CUX1: variants seen among roughly 807,000 people sequenced by gnomAD.
CUX1 encodes protein CASP.
In CUX1, 31 loss-of-function variants were observed where a neutral mutation model predicts 158.8. That is an observed-to-expected ratio of 0.20 (90% CI 0.15 to 0.26). CUX1 has a LOEUF of 0.26. CUX1 is among the 10% of genes least tolerant of loss of function. The pLI is 1.00. For missense variants in CUX1, 1,589 were observed against 2,014.6 expected (o/e 0.79, Z 4.04); for synonymous variants, 879 against 862.1 (o/e 1.02, Z -0.34).
chr7:102,218,194 T>C (rs1413367224), intron 20 of CUX1, among the ~76,000 whole-genome samples: 1 of 152,190 alleles, frequency 6.6e-6, no homozygotes, highest in Non-Finnish European at 1.5e-5. Context: ...GCTTAGTGAC[T>C]TCGGCCTCCC....
At chr7:101,846,000 TC>T (rs536349692) in intron 1 of CUX1, among the ~76,000 whole-genome samples, 7 of 149,420 alleles carry the variant, frequency 4.7e-5, no homozygotes, top group Admixed American at 4.7e-4. Context: ...AAAGGGAGAC[TC>T]CATCTAAAAA....
intron 4 of CUX1, among the ~76,000 whole-genome samples, chr7:102,083,496 A>C (rs1827662602): frequency 6.8e-6 from 1 of 146,684 alleles, no homozygotes; most frequent in African/African-American, 2.4e-5. Flanking sequence ...TCTAGACATG[A>C]GGTCTAGCTG....
intron 9 of CUX1, among the ~76,000 whole-genome samples, chr7:102,159,997 A>G (rs781911508): frequency 1.3e-5 from 2 of 152,128 alleles, no homozygotes; most frequent in Non-Finnish European, 2.9e-5. Context: ...CCTGGCCAAC[A>G]TGGTGAAGCC....
chr7:102,240,337 T>C (rs1354827909), intron 23 of CUX1, among the ~76,000 whole-genome samples: 1 of 152,160 alleles, frequency 6.6e-6, no homozygotes, highest in Non-Finnish European at 1.5e-5. Context: ...GGTGCAATCA[T>C]AGCTTACTGC....
chr7:102,249,235 G>C lies in CUX1; in HGVS notation c.*193G>C, dbSNP rs2132631459. 2 of 1,089,320 alleles carry C rather than the reference G, an allele frequency of 1.8e-6. No homozygotes were observed. The highest frequency in any genetic ancestry group is 2.2e-6 in the Non-Finnish European group (2 of 895,868). The allele number at this position is 1,089,320 out of a possible 1,614,324, so 67.5% of individuals were successfully genotyped here. A position where few individuals can be genotyped will look rare whatever the true frequency, so the allele number is the denominator to read the frequency against. ...GCACCGACCCGAGGCCCAGATCCAA[G>C]GCCGCGGCCCAGACCCACTCTGCGG... is the stretch of plus-strand genomic sequence containing the variant. On this transcript the variant is annotated 3_prime_UTR_variant, in exon 24 of 24. Transcript: ENST00000292535.
chr7:102,203,741 G>T (rs1042742752), intron 18 of CUX1, among the ~76,000 whole-genome samples: 1 of 152,050 alleles, frequency 6.6e-6, no homozygotes, highest in Non-Finnish European at 1.5e-5. Flanking sequence ...GGGGGTGTTT[G>T]TGCCTATACA....
At chr7:102,057,387 T>C (rs1419295483) in intron 3 of CUX1, among the ~76,000 whole-genome samples, 1 of 152,200 alleles carries the variant, frequency 6.6e-6, no homozygotes, top group African/African-American at 2.4e-5. Flanking sequence ...TTTGTAAGGC[T>C]ATAGCTGCCA....
In CUX1 at chr7:102,254,957, CTG is replaced by C. The variant is rs1279831446; in HGVS notation, c.*5918_*5919del. 15 of 985,368 alleles carry C rather than the reference CTG, an allele frequency of 1.5e-5. No homozygotes were observed. Among genetic ancestry groups the C allele is most frequent in the Non-Finnish European group, 1.7e-5 (14 of 829,982 alleles). 61.0% of individuals were successfully genotyped at this position (985,368 alleles called of 1,614,324 possible). On this transcript the variant is annotated 3_prime_UTR_variant, in exon 24 of 24. Coordinates refer to ENST00000292535, the MANE Select transcript of CUX1 (RefSeq NM_181552.4). ...CCAATAAAGTTTAGAAAGATCCAGTCTGTGAAACCCTTAGAGATGGGCTGAAA... is the reference window on the plus strand; with the variant it reads ...CCAATAAAGTTTAGAAAGATCCAGTCTGAAACCCTTAGAGATGGGCTGAAA...
chr7:102,042,164 G>A (rs1822197138), intron 3 of CUX1, among the ~76,000 whole-genome samples: 1 of 152,090 alleles, frequency 6.6e-6, no homozygotes, highest in African/African-American at 2.4e-5. Flanking sequence ...GAGAAGGTTG[G>A]ACCAGATCAG....
intron 1 of CUX1, among the ~76,000 whole-genome samples, chr7:101,858,388 T>G (rs1015230779): frequency 1.1e-4 from 16 of 152,164 alleles, no homozygotes; most frequent in African/African-American, 3.6e-4. Flanking sequence ...ACATGTCCCC[T>G]TCTCAGAGGA....
intron 11 of CUX1, among the ~76,000 whole-genome samples, chr7:102,181,365 C>T (rs1435458920): frequency 2.0e-5 from 3 of 152,278 alleles, no homozygotes; most frequent in East Asian, 3.9e-4. Flanking sequence ...ACCCCAGCAA[C>T]GGCATTATGA....
At chr7:101,998,234 G>A (rs929564103) in intron 2 of CUX1, among the ~76,000 whole-genome samples, 2 of 152,070 alleles carry the variant, frequency 1.3e-5, no homozygotes, top group African/African-American at 2.4e-5. Context: ...GTGCCCGGCT[G>A]CAGGAACACA....
At position 102,253,415 on chromosome 7, in the gene CUX1, A is replaced by G. The variant is rs945861862; in HGVS notation, c.*4373A>G. On this transcript the variant is annotated 3_prime_UTR_variant, in exon 24 of 24. Transcript: ENST00000292535. ...AGCCAGGCCCTAAAAAGAGAGGGGA[A>G]CAGGAGTCCCCAGGTGAGCTCTCTG... 68 of 985,346 alleles carry G rather than the reference A, an allele frequency of 6.9e-5. No individual in the cohort carries two copies. Among genetic ancestry groups the G allele is most frequent in the South Asian group, 9.4e-5 (2 of 21,288 alleles). The allele number at this position is 985,346 out of a possible 1,614,324, so 61.0% of individuals were successfully genotyped here. A position where few individuals can be genotyped will look rare whatever the true frequency, so the allele number is the denominator to read the frequency against.
At chr7:102,259,964 A>C (rs1339282471), downstream of CUX1, among the ~76,000 whole-genome samples, 1 of 151,698 alleles carries the variant, frequency 6.6e-6, no homozygotes, top group Non-Finnish European at 1.5e-5. Flanking sequence ...GCATGGTGGC[A>C]TGTGCCTGTA....
At chr7:102,247,236 A>T (rs1800906487) in intron 23 of CUX1, among the ~76,000 whole-genome samples, 1 of 152,038 alleles carries the variant, frequency 6.6e-6, no homozygotes, top group South Asian at 2.1e-4. Flanking sequence ...GAAAGAAAAA[A>T]TACAGAATTT....
At chr7:102,279,289 C>T (rs543927338) in intron 18 of CUX1, among the ~76,000 whole-genome samples, 167 of 152,076 alleles carry the variant, frequency 1.1e-3, no homozygotes, top group African/African-American at 3.7e-3. Context: ...TGCAGTGAGC[C>T]GAGGTCACAC....
Position 102,248,499 on chromosome 7 carries a change from C to CAGCGGCCG in CUX1, c.3976_3983dup (p.Pro1331GlyfsTer157). 6.4e-7 allele frequency: 1 copy of CAGCGGCCG among 1,568,656 alleles called. No homozygotes were observed. Among genetic ancestry groups the CAGCGGCCG allele is most frequent in the Non-Finnish European group, 8.6e-7 (1 of 1,161,244 alleles). On this transcript the variant is annotated frameshift_variant, in exon 24 of 24. Coordinates refer to ENST00000292535, the MANE Select transcript of CUX1 (RefSeq NM_181552.4). LOFTEE classifies it low-confidence loss of function (END_TRUNC). The surrounding 1 kb of genome is among the most constrained non-coding windows in gnomAD (Gnocchi z 5.8). The stretch of plus-strand genomic sequence containing the variant: ...GCGCCAGCGACTCACCCTCGGCCCG[C>CAGCGGCCG]AGCGGCCGGGCGGCGCCCAGCTCGG...
intron 2 of CUX1, among the ~76,000 whole-genome samples, chr7:101,924,098 C>T (rs577778266): frequency 5.9e-5 from 9 of 152,200 alleles, no homozygotes; most frequent in African/African-American, 2.2e-4. Context: ...TTTTATTGAT[C>T]AGGATGCACT....
At chr7:101,967,145 C>T (rs1008724070) in intron 2 of CUX1, among the ~76,000 whole-genome samples, 2 of 152,050 alleles carry the variant, frequency 1.3e-5, no homozygotes, top group African/African-American at 4.8e-5. Flanking sequence ...TCCTGAGTAG[C>T]TGGGATTACA....
Sources: gnomAD v4.1 joint callset for allele counts (sites outside exome capture counted in the v4.1 genomes callset) on GRCh38, gnomAD v4.1.1 for gene constraint, Gnocchi (gnomAD v3.1) non-coding constraint, MANE v1.5 for transcripts, NCBI Gene and HGNC (gene_info 2026-07-23, HGNC 2026-07-21) for gene names.